The following ALK variants were observed in gnomAD, a reference collection of about 807,000 sequenced individuals.
ALK encodes the protein ALK tyrosine kinase receptor.
Under a neutral mutation model 163.1 loss-of-function variants are expected in ALK, and 74 were observed. The ratio of observed to expected loss-of-function variants is 0.45; its 90% CI spans 0.38 to 0.55. The LOEUF (loss-of-function observed/expected upper bound fraction) is 0.55. Among genes scored for constraint, ALK ranks in the 20% least tolerant of loss-of-function variants. ALK has a pLI of 0.00. For synonymous variants in ALK, 960 were observed against 843.2 expected (o/e 1.14, Z -2.40); for missense variants, 2,063 against 2,105.3 (o/e 0.98, Z 0.39).
chr2:29,684,162 C>A (rs566254503), intron 3 of ALK, among the ~76,000 whole-genome samples: 4 of 152,206 alleles, frequency 2.6e-5, no homozygotes, highest in African/African-American at 9.6e-5. Flanking sequence ...TTAAGCAGAG[C>A]CCATTTTTCT....
At chr2:29,215,081 C>T (rs1047726434) in intron 23 of ALK, among the ~76,000 whole-genome samples, 1 of 152,182 alleles carries the variant, frequency 6.6e-6, no homozygotes, top group African/African-American at 2.4e-5. Flanking sequence ...CCTTTAGGGC[C>T]GCCCCAAGAA....
chr2:29,806,707 G>A (rs1664626048), intron 1 of ALK, among the ~76,000 whole-genome samples: 1 of 152,162 alleles, frequency 6.6e-6, no homozygotes, highest in Admixed American at 6.5e-5. Context: ...AGAGGAGTTG[G>A]TGACACCATG....
At chr2:29,420,591 T>G (rs1669993156) in intron 4 of ALK, among the ~76,000 whole-genome samples, 1 of 151,452 alleles carries the variant, frequency 6.6e-6, no homozygotes, top group African/African-American at 2.5e-5. Flanking sequence ...TGCTTAACAT[T>G]CTGCAAACGG....
chr2:29,834,503 G>C (rs1201432482), intron 1 of ALK, among the ~76,000 whole-genome samples: 1 of 152,156 alleles, frequency 6.6e-6, no homozygotes, highest in Non-Finnish European at 1.5e-5. Context: ...AGTAGGGTGG[G>C]AGTGAACAGT....
At chr2:29,457,304 T>C (rs776815598) in intron 4 of ALK, among the ~76,000 whole-genome samples, 1 of 152,126 alleles carries the variant, frequency 6.6e-6, no homozygotes, top group Non-Finnish European at 1.5e-5. Flanking sequence ...TGCCCATCTA[T>C]GCTCAGGTGA....
At chr2:29,874,092 A>G (rs1666643826) in intron 1 of ALK, among the ~76,000 whole-genome samples, 1 of 152,220 alleles carries the variant, frequency 6.6e-6, no homozygotes, top group South Asian at 2.1e-4. Context: ...GACCAAATAT[A>G]GCAATGCACT....
chr2:29,549,085 A>G (rs1382105434), intron 3 of ALK, among the ~76,000 whole-genome samples: 3 of 151,902 alleles, frequency 2.0e-5, no homozygotes, highest in Admixed American at 6.6e-5. Context: ...TTTATAAAAT[A>G]TCCTCATTGT....
At chr2:29,480,790 TAAAAA>T (rs11289018) in intron 4 of ALK, among the ~76,000 whole-genome samples, 7 of 74,534 alleles carry the variant, frequency 9.4e-5, no homozygotes, top group East Asian at 5.1e-4. Flanking sequence ...ACAGACATCT[TAAAAA>T]AAAAAAAAAA....
chr2:29,816,562 C>A (rs1664903909), intron 1 of ALK, among the ~76,000 whole-genome samples: 2 of 152,184 alleles, frequency 1.3e-5, no homozygotes, highest in Non-Finnish European at 2.9e-5. Context: ...ATAAAAAAGC[C>A]TTCCCAAGAG....
intron 25 of ALK, among the ~76,000 whole-genome samples, chr2:29,208,462 C>T (rs919374800): frequency 1.3e-5 from 2 of 152,098 alleles, no homozygotes; most frequent in Non-Finnish European, 1.5e-5. Context: ...GAGGCAGTCC[C>T]AGGGTATTCT....
intron 15 of ALK, among the ~76,000 whole-genome samples, chr2:29,229,805 G>C (rs892729135): frequency 6.6e-6 from 1 of 152,198 alleles, no homozygotes; most frequent in African/African-American, 2.4e-5. Flanking sequence ...AGCCTGCTTA[G>C]AGGTTCTCCA....
chr2:29,712,700 AT>A (rs1385881184), intron 2 of ALK, among the ~76,000 whole-genome samples: 2 of 151,966 alleles, frequency 1.3e-5, no homozygotes, highest in Non-Finnish European at 1.5e-5. Flanking sequence ...ATGGGTGGTG[AT>A]GGTGGCAGTG....
At chr2:29,316,611 T>C (rs948227156) in intron 8 of ALK, among the ~76,000 whole-genome samples, 20 of 152,100 alleles carry the variant, frequency 1.3e-4, no homozygotes, top group African/African-American at 4.8e-4. Flanking sequence ...TTAAGGATCC[T>C]CCCGTCCTCT....
At chr2:29,737,938 G>T (rs1195597931) in intron 1 of ALK, among the ~76,000 whole-genome samples, 1 of 151,996 alleles carries the variant, frequency 6.6e-6, no homozygotes, top group African/African-American at 2.4e-5. Flanking sequence ...GCCAAGGTGA[G>T]CGGGAGAACA....
At chr2:29,543,346 T>C (rs1008845943) in intron 3 of ALK, among the ~76,000 whole-genome samples, 1 of 152,232 alleles carries the variant, frequency 6.6e-6, no homozygotes, top group South Asian at 2.1e-4. Flanking sequence ...CTAGGGAGGC[T>C]AACAGGAGCT....
chr2:29,771,574 G>T (rs539101771), intron 1 of ALK, among the ~76,000 whole-genome samples: 1 of 150,582 alleles, frequency 6.6e-6, no homozygotes, highest in Admixed American at 6.6e-5. Flanking sequence ...TCACTCTGTC[G>T]CCCAGGCTGG....
chr2:29,881,140 A>G (rs1042325774), intron 1 of ALK, among the ~76,000 whole-genome samples: 2 of 152,198 alleles, frequency 1.3e-5, no homozygotes, highest in African/African-American at 2.4e-5. Context: ...GAACAGAGAA[A>G]GGTAGAAATC....
intron 4 of ALK, among the ~76,000 whole-genome samples, chr2:29,429,913 A>C (rs187799266): frequency 1.3e-5 from 2 of 152,308 alleles, no homozygotes; most frequent in East Asian, 3.9e-4. Context: ...TAAACCCTCA[A>C]ATTTGTGGTT....
chr2:29,627,142 G>A (rs986820769), intron 3 of ALK, among the ~76,000 whole-genome samples: 2 of 152,196 alleles, frequency 1.3e-5, no homozygotes, highest in Non-Finnish European at 2.9e-5. Flanking sequence ...AAGAGGCTCT[G>A]CTGGGCAAGA....
Sources: allele counts gnomAD v4.1 joint callset (sites outside exome capture counted in the v4.1 genomes callset), GRCh38; gene constraint gnomAD v4.1.1; transcripts MANE v1.5; gene names NCBI Gene and HGNC (gene_info 2026-07-23, HGNC 2026-07-21).